Variants in STAU2 observed in about 807,000 individuals in gnomAD.
The protein encoded by STAU2 is staufen double-stranded RNA binding protein 2, also known as double-stranded RNA-binding protein Staufen homolog 2.
Under a neutral mutation model 65.9 loss-of-function variants are expected in STAU2, and 20 were observed. The ratio of observed to expected loss-of-function variants is 0.30; its 90% CI spans 0.21 to 0.44. STAU2 has a LOEUF of 0.44. Ranked by LOEUF, STAU2 falls within the 20% of genes least tolerant of loss-of-function variation. The pLI, the probability that STAU2 is intolerant of heterozygous loss-of-function variation, is 1.00. For synonymous variants in STAU2, 232 were observed against 233.9 expected (o/e 0.99, Z 0.07); for missense variants, 558 against 683.9 (o/e 0.82, Z 2.05).
At chr8:73,527,934 C>T in intron 13 of STAU2, 1 of 447,342 alleles carries the variant, frequency 2.2e-6, no homozygotes, top group Admixed American at 3.4e-5. Flanking sequence ...TGAACCCCTC[C>T]AATATCTGGG....
intron 3 of STAU2, among the ~76,000 whole-genome samples, chr8:73,716,115 G>C (rs1821233169): frequency 6.9e-6 from 1 of 144,612 alleles, no homozygotes; most frequent in Non-Finnish European, 1.5e-5. Context: ...TGAGACAAGA[G>C]TCTCGCTCTG....
chr8:73,463,791 G>C lies in STAU2; in HGVS notation c.1531-41089C>G, dbSNP rs187467656. The stretch of plus-strand genomic sequence containing the variant: ...GATTTCTGCTGAGTGGCAACCACGA[G>C]GATATTCATGAACTGTGGTATGCAG... On this transcript the variant is annotated intron_variant, in intron 13 of 14. Transcript: ENST00000524300. 2.0e-5 allele frequency among the ~76,000 whole-genome samples: 3 copies of C among 152,284 alleles called. No individual in the cohort carries two copies. The East Asian group carries it at 5.8e-4, about 29-fold the overall frequency.
chr8:73,445,036 G>C (rs1427345884), intron 13 of STAU2, among the ~76,000 whole-genome samples: 1 of 152,204 alleles, frequency 6.6e-6, no homozygotes, highest in Non-Finnish European at 1.5e-5. Flanking sequence ...GAATAGGGCG[G>C]AGGGTTTCTA....
intron 7 of STAU2, 114 bp from the exon 8 acceptor site, chr8:73,615,896 G>T: frequency 1.4e-6 from 1 of 729,448 alleles, no homozygotes; most frequent in Non-Finnish European, 2.3e-6. Flanking sequence ...AAACTATATA[G>T]ACTGTATCTG....
At chr8:73,583,147 A>G (rs1319047896) in intron 11 of STAU2, among the ~76,000 whole-genome samples, 2 of 147,836 alleles carry the variant, frequency 1.4e-5, no homozygotes, top group Middle Eastern at 3.5e-3. Context: ...AAAAAAATAA[A>G]TCTTTTTTTT....
chr8:73,719,900 G>A (rs928663492), intron 3 of STAU2, among the ~76,000 whole-genome samples: 6 of 151,946 alleles, frequency 3.9e-5, no homozygotes, highest in Non-Finnish European at 7.4e-5. Context: ...TCCTTAACTT[G>A]TATAATTCAC....
intron 13 of STAU2, chr8:73,438,948 C>T (rs780718645): frequency 2.8e-5 from 13 of 456,602 alleles, no homozygotes; most frequent in Non-Finnish European, 4.4e-5. Flanking sequence ...ACATTTGGAC[C>T]TGACCTTCAC....
At chr8:73,723,022 C>T (rs953834969) in intron 3 of STAU2, among the ~76,000 whole-genome samples, 2 of 152,016 alleles carry the variant, frequency 1.3e-5, no homozygotes, top group African/African-American at 4.8e-5. Context: ...GTGGTCAGAG[C>T]GTATCCTAGC....
intron 13 of STAU2, among the ~76,000 whole-genome samples, chr8:73,467,937 A>C (rs1426195702): frequency 6.6e-6 from 1 of 152,234 alleles, no homozygotes; most frequent in Non-Finnish European, 1.5e-5. Flanking sequence ...CTTTCTTCAC[A>C]GAATTGGAAA....
intron 13 of STAU2, among the ~76,000 whole-genome samples, chr8:73,524,610 G>A (rs2128930024): frequency 6.6e-6 from 1 of 152,212 alleles, no homozygotes; most frequent in South Asian, 2.1e-4. Context: ...CAAGTCTAGA[G>A]AGCTCTTCCA....
At chr8:73,542,840 A>C (rs1806633618) in intron 13 of STAU2, among the ~76,000 whole-genome samples, 1 of 152,206 alleles carries the variant, frequency 6.6e-6, no homozygotes, top group Admixed American at 6.5e-5. Flanking sequence ...GTAGGAATGT[A>C]ATGTATGTAA....
chr8:73,608,184 G>A (rs182933795), intron 9 of STAU2, among the ~76,000 whole-genome samples: 2 of 152,114 alleles, frequency 1.3e-5, no homozygotes, highest in Non-Finnish European at 2.9e-5. Context: ...CTTTTTAAAC[G>A]ATCATTTGGT....
intron 3 of STAU2, among the ~76,000 whole-genome samples, chr8:73,726,012 T>C (rs977084282): frequency 1.3e-4 from 20 of 151,842 alleles, no homozygotes; most frequent in Non-Finnish European, 2.8e-4. Flanking sequence ...GGTTAGGTTT[T>C]TTTTTTTTTT....
chr8:73,512,821 T>G (rs1256303400), intron 13 of STAU2, among the ~76,000 whole-genome samples: 3 of 152,272 alleles, frequency 2.0e-5, no homozygotes, highest in Admixed American at 2.0e-4. Flanking sequence ...GTTACTCAAG[T>G]GAATTTTTCA....
At chr8:73,457,756 A>G (rs1327780594) in intron 13 of STAU2, among the ~76,000 whole-genome samples, 4 of 152,222 alleles carry the variant, frequency 2.6e-5, no homozygotes, top group African/African-American at 9.7e-5. Flanking sequence ...AATTTCCATC[A>G]GGATAGGCAT....
intron 6 of STAU2, among the ~76,000 whole-genome samples, chr8:73,656,767 G>A (rs1248348293): frequency 6.6e-6 from 1 of 152,150 alleles, no homozygotes; most frequent in African/African-American, 2.4e-5. Flanking sequence ...ATCAAAATCT[G>A]CCTTTATTTC....
chr8:73,497,908 T>A (rs1821514378), intron 13 of STAU2, among the ~76,000 whole-genome samples: 2 of 151,788 alleles, frequency 1.3e-5, no homozygotes. Context: ...TTTGTCAAAA[T>A]ACAAAAGGTG....
intron 11 of STAU2, among the ~76,000 whole-genome samples, chr8:73,589,949 G>A (rs1428961182): frequency 6.6e-6 from 1 of 151,018 alleles, no homozygotes; most frequent in Admixed American, 6.6e-5. Flanking sequence ...GGAGGATAAA[G>A]AAGACAAGGA....
chr8:73,659,647 A>G (rs1022696455), intron 6 of STAU2, among the ~76,000 whole-genome samples: 1 of 152,206 alleles, frequency 6.6e-6, no homozygotes, highest in Non-Finnish European at 1.5e-5. Context: ...ACAAAAAAAT[A>G]AAGATATTGG....
Sources: allele counts gnomAD v4.1 joint callset (sites outside exome capture counted in the v4.1 genomes callset), GRCh38; gene constraint gnomAD v4.1.1; transcripts MANE v1.5; gene names NCBI Gene and HGNC (gene_info 2026-07-23, HGNC 2026-07-21).